Variants in ZSWIM6 observed in about 807,000 individuals in gnomAD.
ZSWIM6 encodes zinc finger SWIM domain-containing protein 6.
A neutral mutation model predicts 113.2 loss-of-function variants in ZSWIM6; 9 were observed. The ratio of observed to expected loss-of-function variants is 0.08; its 90% CI spans 0.05 to 0.14. ZSWIM6 has a LOEUF of 0.14. Among genes scored for constraint, ZSWIM6 ranks in the 10% least tolerant of loss-of-function variants. ZSWIM6 has a pLI of 1.00. For synonymous variants in ZSWIM6, 611 were observed against 606.5 expected (o/e 1.01, Z -0.11); for missense variants, 1,162 against 1,552.2 (o/e 0.75, Z 4.22).
intron 1 of ZSWIM6, among the ~76,000 whole-genome samples, chr5:61,355,429 AAAACACACACACACACACACAC>A (rs1300898139): frequency 2.8e-5 from 3 of 107,458 alleles, no homozygotes; most frequent in African/African-American, 1.1e-4. Context: ...GAGAGACTTT[AAAACACACACACACACACACAC>A]ACACACACAC....
At chr5:61,524,251 C>A (rs1749219938) in intron 5 of ZSWIM6, among the ~76,000 whole-genome samples, 1 of 152,044 alleles carries the variant, frequency 6.6e-6, no homozygotes, top group Admixed American at 6.6e-5. Flanking sequence ...AGATTCAAAA[C>A]GTCCTTAAAT....
intron 1 of ZSWIM6, among the ~76,000 whole-genome samples, chr5:61,333,591 C>T (rs1744317032): frequency 6.6e-6 from 1 of 151,330 alleles, no homozygotes; most frequent in Non-Finnish European, 1.5e-5. Context: ...CACTGGCCGC[C>T]CGGGGTTTAA....
At chr5:61,379,918 T>C (rs890087578) in intron 1 of ZSWIM6, among the ~76,000 whole-genome samples, 7 of 152,190 alleles carry the variant, frequency 4.6e-5, no homozygotes, top group African/African-American at 1.7e-4. Flanking sequence ...GAAAAAGCAC[T>C]ATTAGCAATG....
At chr5:61,455,706 A>G (rs964755412) in intron 1 of ZSWIM6, among the ~76,000 whole-genome samples, 1 of 152,154 alleles carries the variant, frequency 6.6e-6, no homozygotes, top group African/African-American at 2.4e-5. Context: ...CAGTGAGGGC[A>G]ATACTGGGAG....
At chr5:61,338,833 C>G (rs575031683) in intron 1 of ZSWIM6, among the ~76,000 whole-genome samples, 1 of 152,264 alleles carries the variant, frequency 6.6e-6, no homozygotes, top group African/African-American at 2.4e-5. Context: ...TGAGTTTCAT[C>G]TATTTTGCGG....
intron 1 of ZSWIM6, among the ~76,000 whole-genome samples, chr5:61,413,293 A>G (rs776442622): frequency 1.9e-4 from 29 of 151,252 alleles, no homozygotes; most frequent in Non-Finnish European, 3.4e-4. Flanking sequence ...TGCACTTGCA[A>G]TAGTTTACTG....
Position 61,494,425 on chromosome 5 carries a change from T to A in ZSWIM6, c.1333+15T>A, listed in dbSNP as rs1187121461. 6.4e-7 allele frequency: 1 copy of A among 1,550,398 alleles called. No homozygotes were observed. Among genetic ancestry groups the A allele is most frequent in the Non-Finnish European group, 8.7e-7 (1 of 1,146,324 alleles). On this transcript the variant is annotated intron_variant, in intron 4 of 13. Coordinates refer to ENST00000252744, the MANE Select transcript of ZSWIM6 (RefSeq NM_020928.2). ...GGATGAGCTGGGTAAGCATGTTTCC[T>A]CACAAATTACCATTGATTTGCATAT...
In ZSWIM6 at chr5:61,395,316, A is replaced by G. The variant is rs568897346; in HGVS notation, c.676+62368A>G. The stretch of plus-strand genomic sequence containing the variant: ...GGGGGCACTGGGTGTGTCCTTGCCC[A>G]GTCTTACCTGACAGACCAAGAGAGG... On this transcript the variant is annotated intron_variant, in intron 1 of 13. Coordinates refer to ENST00000252744, the MANE Select transcript of ZSWIM6 (RefSeq NM_020928.2). 2.6e-5 allele frequency among the ~76,000 whole-genome samples: 4 copies of G among 152,238 alleles called. No individual in the cohort carries two copies. In the South Asian group the frequency reaches 8.3e-4, roughly 32 times the overall value.
Position 61,332,724 on chromosome 5 carries a change from G to T in ZSWIM6, c.452G>T (p.Gly151Val). ...SGGGGGAGGGGGGGSSSSPAA... is the reference protein window; with the variant it reads ...SGGGGGAGGGVGGGSSSSPAA... ...GGCGGCGGCGGCGCGGGCGGCGGCG[G>T]CGGCGGCGGCTCCTCGTCTTCCCCG... Residue 151 changes from glycine to valine, a missense_variant, in exon 1 of 14, where the codon GGC becomes GTC. Transcript: ENST00000252744. The T allele has an allele frequency of 6.2e-6, 6 of 967,228 alleles. No individual in the cohort carries two copies. Among genetic ancestry groups the T allele is most frequent in the Non-Finnish European group, 7.3e-6 (6 of 819,086 alleles). 59.9% of individuals were successfully genotyped at this position (967,228 alleles called of 1,614,324 possible). A position where few individuals can be genotyped will look rare whatever the true frequency, so the allele number is the denominator to read the frequency against.
At chr5:61,468,073 A>G (rs188387915) in intron 1 of ZSWIM6, among the ~76,000 whole-genome samples, 26 of 152,368 alleles carry the variant, frequency 1.7e-4, no homozygotes, top group Middle Eastern at 3.4e-3. Flanking sequence ...GGTGCTTTAC[A>G]TATGTTATTT....
intron 1 of ZSWIM6, among the ~76,000 whole-genome samples, chr5:61,341,072 G>A (rs1416098888): frequency 6.6e-6 from 1 of 152,250 alleles, no homozygotes; most frequent in East Asian, 1.9e-4. Flanking sequence ...TCTGGCCAGG[G>A]CCATTATCTT....
At chr5:61,514,047 TGA>T (rs1363288795) in intron 4 of ZSWIM6, among the ~76,000 whole-genome samples, 3 of 152,122 alleles carry the variant, frequency 2.0e-5, no homozygotes, top group Non-Finnish European at 4.4e-5. Context: ...TTAACAGTAT[TGA>T]GTTTTCCAAT....
At chr5:61,528,263 G>GAA (rs139020184) in intron 7 of ZSWIM6, among the ~76,000 whole-genome samples, 9 of 151,124 alleles carry the variant, frequency 6.0e-5, no homozygotes, top group Admixed American at 1.3e-4. Flanking sequence ...TATTGATTCT[G>GAA]AAAAAAAACA....
chr5:61,523,077 C>A (rs942021158), intron 5 of ZSWIM6, among the ~76,000 whole-genome samples: 1 of 152,094 alleles, frequency 6.6e-6, no homozygotes, highest in Admixed American at 6.6e-5. Context: ...TCTGTTGGAC[C>A]GAAAGGCACC....
chr5:61,379,013 C>G (rs1579963622), intron 1 of ZSWIM6, among the ~76,000 whole-genome samples: 2 of 151,736 alleles, frequency 1.3e-5, no homozygotes, highest in African/African-American at 4.8e-5. Context: ...GACCCTGTCT[C>G]TACAAGAAGA....
At chr5:61,383,208 A>G (rs377029085) in intron 1 of ZSWIM6, among the ~76,000 whole-genome samples, 9 of 152,296 alleles carry the variant, frequency 5.9e-5, no homozygotes, top group East Asian at 5.8e-4. Context: ...TTTTGCTTCT[A>G]TTTAGGATTT....
At chr5:61,428,872 G>C (rs1746521413) in intron 1 of ZSWIM6, among the ~76,000 whole-genome samples, 1 of 151,990 alleles carries the variant, frequency 6.6e-6, no homozygotes, top group Non-Finnish European at 1.5e-5. Flanking sequence ...TTTCTGGGTA[G>C]TTTTGTGTTA....
chr5:61,393,207 A>AT (rs80039422), intron 1 of ZSWIM6, among the ~76,000 whole-genome samples: 243 of 142,878 alleles, frequency 1.7e-3, no homozygotes, highest in Middle Eastern at 3.6e-3. Context: ...CTCCCGACTA[A>AT]TTTTTTTTTT....
chr5:61,402,597 G>C lies in ZSWIM6; in HGVS notation c.676+69649G>C, dbSNP rs11743276. On this transcript the variant is annotated intron_variant, in intron 1 of 13. Transcript: ENST00000252744. ...CTAACCAAATGAAGGTGTTTTTAAT[G>C]ACTAACTTTCTTCAGAGAATAAGAT... 3.4e-3 allele frequency among the ~76,000 whole-genome samples: 521 copies of C among 151,940 alleles called. 3 individuals carry two copies. The highest frequency in any genetic ancestry group is 5.5e-3 in the Non-Finnish European group (373 of 67,962).
Sources: gnomAD v4.1 joint callset for allele counts (sites outside exome capture counted in the v4.1 genomes callset) on GRCh38, gnomAD v4.1.1 for gene constraint, MANE v1.5 for transcripts, NCBI Gene and HGNC (gene_info 2026-07-23, HGNC 2026-07-21) for gene names.